Variants in COL13A1 observed in about 807,000 individuals in gnomAD.
COL13A1 encodes collagen alpha-1(XIII) chain.
A neutral mutation model predicts 130.9 loss-of-function variants in COL13A1; 89 were observed. That is an observed-to-expected ratio of 0.68 (90% CI 0.57 to 0.81). The LOEUF is 0.81. Ranked by LOEUF, COL13A1 falls within the 30% of genes least tolerant of loss-of-function variation. COL13A1 has a pLI of 0.00. For synonymous variants in COL13A1, 402 were observed against 341.6 expected, an observed-to-expected ratio of 1.18 and a Z score of -1.95; for missense variants, 879 against 934.6, an observed-to-expected ratio of 0.94 and a Z score of 0.78.
At chr10:69,865,136 G>A (rs903241046) in intron 2 of COL13A1, among the ~76,000 whole-genome samples, 40 of 152,156 alleles carry the variant, frequency 2.6e-4, no homozygotes, top group Non-Finnish European at 4.6e-4. Context: ...CGGTCTCACC[G>A]CCATCACCTG....
chr10:69,930,030 G>A lies in COL13A1; in HGVS notation c.1486-13G>A, dbSNP rs371709933. Reference sequence around the variant, plus strand: ...TCTGCCCTGAGAGTCACCTTTAGTTGTTCCGGTTACAGGGGGAGATTGGAC... The same window carrying A: ...TCTGCCCTGAGAGTCACCTTTAGTTATTCCGGTTACAGGGGGAGATTGGAC... On this transcript the variant is annotated splice_polypyrimidine_tract_variant and intron_variant, in intron 28 of 40. Coordinates refer to ENST00000645393, the MANE Select transcript of COL13A1 (RefSeq NM_001368882.1). 1.1e-4 allele frequency: 174 copies of A among 1,613,594 alleles called. No homozygotes were observed. Among genetic ancestry groups the A allele is most frequent in the Non-Finnish European group, 1.4e-4 (165 of 1,179,622 alleles).
chr10:69,878,049 G>T lies in COL13A1; in HGVS notation c.446G>T (p.Gly149Val), dbSNP rs2059777991. ...ATGTGGCTGCCCCAGGGAGTAAAGGGCCAACCAGGCGAGAAGGTGAGTCCA... is the reference window on the plus strand; with the variant it reads ...ATGTGGCTGCCCCAGGGAGTAAAGGTCCAACCAGGCGAGAAGGTGAGTCCA... ...IGMPGRVGVK[G>V]QPGEKGSPGD... Residue 149 changes from glycine (G) to valine (V), a missense_variant, in exon 6 of 41, where the codon GGC (glycine) becomes GTC (valine). By Grantham distance (109) the Gly-to-Val change is moderately radical. Around this residue, in one of 3 missense-constraint regions of COL13A1, gnomAD observed 715 missense variants for 721.0 expected, o/e 0.99. Coordinates refer to ENST00000645393, the MANE Select transcript of COL13A1 (RefSeq NM_001368882.1). The T allele has an allele frequency of 1.4e-6, 1 of 702,696 alleles. No homozygotes were observed. The highest frequency in any genetic ancestry group is 1.7e-5 in the African/African-American group (1 of 57,148). 43.5% of individuals were successfully genotyped at this position (702,696 alleles called of 1,614,324 possible).
intron 31 of COL13A1, among the ~76,000 whole-genome samples, chr10:69,932,861 G>A (rs2066304562): frequency 6.6e-6 from 1 of 152,104 alleles, no homozygotes; most frequent in Admixed American, 6.6e-5. Context: ...AACTTGCCGG[G>A]CACGGTGGCT....
chr10:69,873,799 C>T (rs577185705), intron 4 of COL13A1, among the ~76,000 whole-genome samples: 1 of 152,158 alleles, frequency 6.6e-6, no homozygotes, highest in Non-Finnish European at 1.5e-5. Flanking sequence ...AGGAGTAACA[C>T]TCAAAAAGAC....
intron 2 of COL13A1, among the ~76,000 whole-genome samples, chr10:69,858,302 G>A (rs1276504185): frequency 2.0e-5 from 3 of 152,150 alleles, no homozygotes; most frequent in Non-Finnish European, 4.4e-5. Flanking sequence ...GCCAGGGACA[G>A]TGCTAAATAT....
chr10:69,804,192 T>C lies in COL13A1; in HGVS notation c.294+1475T>C, dbSNP rs564661332. On this transcript the variant is annotated intron_variant, in intron 1 of 40. Coordinates refer to ENST00000645393, the MANE Select transcript of COL13A1 (RefSeq NM_001368882.1). Reference sequence around the variant, plus strand: ...GAATGAGCCCAGACTGGCTGGGTGGTGAAGAAGGTGTCAGGGCAGTGAGAG... The same window carrying C: ...GAATGAGCCCAGACTGGCTGGGTGGCGAAGAAGGTGTCAGGGCAGTGAGAG... Among the ~76,000 whole-genome samples the C allele has an allele frequency of 9.3e-5, 14 of 150,116 alleles. 1 individual carries two copies. In the South Asian group the frequency reaches 2.8e-3, roughly 30 times the overall value.
Position 69,927,121 on chromosome 10 carries a change from C to A in COL13A1, c.1422+11C>A, listed in dbSNP as rs779265042. ...ACGCTGGCCTTGATGGTAAGTTTTGCTCCTCCTGGCTTTCCTTGGGCACTG... is the reference window on the plus strand; with the variant it reads ...ACGCTGGCCTTGATGGTAAGTTTTGATCCTCCTGGCTTTCCTTGGGCACTG... On this transcript the variant is annotated intron_variant, in intron 27 of 40. Coordinates refer to ENST00000645393, the MANE Select transcript of COL13A1 (RefSeq NM_001368882.1). The A allele has an allele frequency of 2.2e-5, 35 of 1,612,312 alleles. No individual in the cohort carries two copies. Among genetic ancestry groups the A allele is most frequent in the Non-Finnish European group, 2.9e-5 (34 of 1,179,594 alleles).
intron 17 of COL13A1, 136 bp from the exon 18 acceptor site, chr10:69,917,153 G>A (rs1466793061): frequency 1.9e-6 from 2 of 1,032,130 alleles, no homozygotes; most frequent in African/African-American, 1.6e-5. Flanking sequence ...GCTGCCACCA[G>A]GGCAGGGTCC....
chr10:69,815,437 C>G, intron 1 of COL13A1, among the ~76,000 whole-genome samples: 1 of 152,256 alleles, frequency 6.6e-6, no homozygotes, highest in East Asian at 1.9e-4. Flanking sequence ...TCCAGGAGGC[C>G]CCGGCTGCCA....
At chr10:69,835,805 A>G (rs1343186533) in intron 2 of COL13A1, among the ~76,000 whole-genome samples, 1 of 152,232 alleles carries the variant, frequency 6.6e-6, no homozygotes, top group Admixed American at 6.5e-5. Flanking sequence ...GGAGTCAGAT[A>G]AGGCTGGAGG....
chr10:69,816,156 G>A (rs1589198912), intron 1 of COL13A1, among the ~76,000 whole-genome samples: 4 of 149,688 alleles, frequency 2.7e-5, no homozygotes, highest in East Asian at 2.0e-4. Flanking sequence ...TCGGGCATTC[G>A]TTAGAAGGTT....
rs557299175 is a variant in COL13A1 at position 69,831,294 on chromosome 10, G to T, written c.364+8856G>T. ...ACCCTGCCAGGACCCAGACCCAGGG[G>T]GTCAAGCCCTGCTCAGCTGGACTCT... On this transcript the variant is annotated intron_variant, in intron 2 of 40. Coordinates refer to ENST00000645393, the MANE Select transcript of COL13A1 (RefSeq NM_001368882.1). Among the ~76,000 whole-genome samples, 8 of 152,178 alleles carry T rather than the reference G, an allele frequency of 5.3e-5. 1 individual carries two copies. Among genetic ancestry groups the T allele is most frequent in the African/African-American group, 1.7e-4 (7 of 41,444 alleles).
intron 36 of COL13A1, among the ~76,000 whole-genome samples, chr10:69,944,383 C>T (rs780342814): frequency 1.8e-4 from 28 of 152,144 alleles, no homozygotes; most frequent in African/African-American, 4.6e-4. Flanking sequence ...AGGCCGGGCA[C>T]GTTGGCTCAT....
chr10:69,936,957 T>C (rs772882853), intron 33 of COL13A1, among the ~76,000 whole-genome samples, 175 bp downstream of exon 33: 22 of 152,182 alleles, frequency 1.4e-4, no homozygotes, highest in Non-Finnish European at 3.1e-4. Flanking sequence ...CATTGACACC[T>C]GGTGTGCTTT....
chr10:69,882,736 C>T (rs1318149602), intron 7 of COL13A1, among the ~76,000 whole-genome samples: 2 of 152,326 alleles, frequency 1.3e-5, no homozygotes, highest in East Asian at 3.9e-4. Flanking sequence ...AAAAAGTCCT[C>T]CAGGTGGGTG....
intron 2 of COL13A1, among the ~76,000 whole-genome samples, chr10:69,834,205 C>T (rs574216136): frequency 6.6e-6 from 1 of 152,168 alleles, no homozygotes; most frequent in Admixed American, 6.5e-5. Flanking sequence ...CCCTCGCATG[C>T]GCAGTCTGCA....
At chr10:69,887,014 G>C (rs191534834) in intron 7 of COL13A1, among the ~76,000 whole-genome samples, 33 of 152,298 alleles carry the variant, frequency 2.2e-4, no homozygotes, top group African/African-American at 7.9e-4. Context: ...TGAAGGTCAG[G>C]TTCTGATATC....
intron 17 of COL13A1, among the ~76,000 whole-genome samples, chr10:69,912,467 G>A (rs1260983425): frequency 6.6e-6 from 1 of 152,048 alleles, no homozygotes; most frequent in Non-Finnish European, 1.5e-5. Flanking sequence ...GGAGAAAACC[G>A]TTAGCCCTCC....
Position 69,917,341 on chromosome 10 carries a change from C to T in COL13A1, c.966+8C>T, listed in dbSNP as rs1202099574. ...GGCAAGCATGGAGCCAAGGTACCTC[C>T]CCCTTCCCCACATCCCAGGCAGCCC... On this transcript the variant is annotated splice_region_variant and intron_variant, in intron 18 of 40. Transcript: ENST00000645393. 5 of 1,612,856 alleles carry T rather than the reference C, an allele frequency of 3.1e-6. No individual in the cohort carries two copies. The highest frequency in any genetic ancestry group is 3.3e-5 in the Admixed American group (2 of 59,928).
Sources: gnomAD v4.1 joint callset for allele counts (sites outside exome capture counted in the v4.1 genomes callset) on GRCh38, gnomAD v4.1.1 for gene constraint, gnomAD v4.1.1 regional missense constraint, MANE v1.5 for transcripts, NCBI Gene and HGNC (gene_info 2026-07-23, HGNC 2026-07-21) for gene names.